Variants in ARFGEF1 observed in about 807,000 individuals in gnomAD.
ARFGEF1 encodes the protein ARF guanine nucleotide exchange factor 1.
A neutral mutation model predicts 231.0 loss-of-function variants in ARFGEF1; 42 were observed. The ratio of observed to expected loss-of-function variants is 0.18; its 90% confidence interval spans 0.14 to 0.24. ARFGEF1 has a LOEUF of 0.24. Ranked by LOEUF, ARFGEF1 falls within the 10% of genes least tolerant of loss-of-function variation. The probability of loss-of-function intolerance (pLI) is 1.00; values close to 1 mark genes in which losing one functional copy is unlikely to be tolerated. For missense variants in ARFGEF1, 1,345 were observed against 2,192.0 expected (o/e 0.61, Z 7.72); for synonymous variants, 710 against 732.3 (o/e 0.97, Z 0.49).
chr8:67,307,264 C>T (rs1045712581), intron 1 of ARFGEF1, among the ~76,000 whole-genome samples: 1 of 152,150 alleles, frequency 6.6e-6, no homozygotes, highest in Non-Finnish European at 1.5e-5. Context: ...TGAATAAACT[C>T]ACAAAGGAAA....
intron 10 of ARFGEF1, among the ~76,000 whole-genome samples, chr8:67,269,803 A>T (rs1206502200): frequency 1.3e-5 from 2 of 152,220 alleles, no homozygotes; most frequent in Non-Finnish European, 2.9e-5. Flanking sequence ...TTTTGTAATG[A>T]GAATCTGACA....
chr8:67,325,391 GT>G (rs1807789715), intron 1 of ARFGEF1, among the ~76,000 whole-genome samples: 1 of 152,076 alleles, frequency 6.6e-6, no homozygotes, highest in Non-Finnish European at 1.5e-5. Context: ...TTCAAAGGTT[GT>G]TTTTAATACT....
At chr8:67,316,689 G>A (rs1219434915) in intron 1 of ARFGEF1, among the ~76,000 whole-genome samples, 1 of 151,990 alleles carries the variant, frequency 6.6e-6, no homozygotes, top group Admixed American at 6.6e-5. Context: ...TGAACTCCTG[G>A]GCTCAAGTGA....
At chr8:67,258,985 ACTCTACT>A (rs1840556122) in intron 15 of ARFGEF1, among the ~76,000 whole-genome samples, 1 of 151,708 alleles carries the variant, frequency 6.6e-6, no homozygotes, top group African/African-American at 2.4e-5. Flanking sequence ...CCTCCCATAT[ACTCTACT>A]CCCATATCTA....
In ARFGEF1 at chr8:67,198,685, A is replaced by ACCCGTGAGCATGAG. The variant is rs1322580723; in HGVS notation, c.*235_*248dup. 1.0e-5 allele frequency: 12 copies of ACCCGTGAGCATGAG among 1,205,868 alleles called. No homozygotes were observed. The East Asian group carries it at 2.0e-4, about 20-fold the overall frequency. 74.7% of individuals were successfully genotyped at this position (1,205,868 alleles called of 1,614,324 possible). A position where few individuals can be genotyped will look rare whatever the true frequency, so the allele number is the denominator to read the frequency against. ...TTCCTGCCGTGGAAGACAGGGAAGG[A>ACCCGTGAGCATGAG]CCCGTGAGCATGAGCTGACACTGTT... On this transcript the variant is annotated 3_prime_UTR_variant, in exon 39 of 39. Transcript: ENST00000262215.
At chr8:67,254,042 TG>T (rs1840377644) in intron 17 of ARFGEF1, among the ~76,000 whole-genome samples, 1 of 152,230 alleles carries the variant, frequency 6.6e-6, no homozygotes, top group South Asian at 2.1e-4. Flanking sequence ...TTATATACAG[TG>T]GGTATAAGAG....
At chr8:67,219,173 G>A (rs979465242) in intron 30 of ARFGEF1, among the ~76,000 whole-genome samples, 6 of 152,108 alleles carry the variant, frequency 3.9e-5, no homozygotes, top group African/African-American at 1.4e-4. Flanking sequence ...CACCATGTTG[G>A]CCAGGCTGGT....
At chr8:67,315,540 G>C (rs75313304) in intron 1 of ARFGEF1, among the ~76,000 whole-genome samples, 357 of 152,254 alleles carry the variant, frequency 2.3e-3, no homozygotes, top group African/African-American at 8.2e-3. Context: ...AGATCATACA[G>C]AGTGTGTTCT....
At chr8:67,307,626 G>A (rs934585452) in intron 1 of ARFGEF1, among the ~76,000 whole-genome samples, 1 of 152,154 alleles carries the variant, frequency 6.6e-6, no homozygotes, top group African/African-American at 2.4e-5. Flanking sequence ...GTGAAGAAGA[G>A]TTAATGGTCA....
rs76200257 is a variant in ARFGEF1 at position 67,231,105 on chromosome 8, T to C, written c.3380+1750A>G. 8.6e-3 allele frequency among the ~76,000 whole-genome samples: 1,309 copies of C among 152,170 alleles called. 16 individuals are homozygous for C. Among genetic ancestry groups the C allele is most frequent in the African/African-American group, 0.03 (1,231 of 41,564 alleles). On this transcript the variant is annotated intron_variant, in intron 23 of 38. Coordinates refer to ENST00000262215, the MANE Select transcript of ARFGEF1 (RefSeq NM_006421.5). The stretch of plus-strand genomic sequence containing the variant: ...CTGGGTAAGTACAGAACTCCCCAGA[T>C]TGATGCCTGACACTATTTTCACTAC...
rs1226322166 is a variant in ARFGEF1, at chr8:67,208,629, C to CAAAAAAAA, written c.4819+2846_4819+2853dup. The stretch of plus-strand genomic sequence containing the variant: ...TGAGCGACAGAGTGAGACTCCATCT[C>CAAAAAAAA]AAAAAAAAAAAAAAAAAAACCAACA... On this transcript the variant is annotated intron_variant, in intron 34 of 38. Coordinates refer to ENST00000262215, the MANE Select transcript of ARFGEF1 (RefSeq NM_006421.5). 5.2e-3 allele frequency among the ~76,000 whole-genome samples: 262 copies of CAAAAAAAA among 50,472 alleles called. 2 individuals are homozygous for CAAAAAAAA. The highest frequency in any genetic ancestry group is 0.014 in the African/African-American group (242 of 16,736). 33.1% of individuals were successfully genotyped at this position (50,472 alleles called of 152,430 possible). A position where few individuals can be genotyped will look rare whatever the true frequency, so the allele number is the denominator to read the frequency against.
rs1838125093 is a variant in ARFGEF1, at chr8:67,197,743, A to C, written c.*1191T>G. The C allele has an allele frequency of 1.0e-6, 1 of 985,734 alleles. No individual in the cohort carries two copies. The allele number at this position is 985,734 out of a possible 1,614,324, so 61.1% of individuals were successfully genotyped here. On this transcript the variant is annotated 3_prime_UTR_variant, in exon 39 of 39. Coordinates refer to ENST00000262215, the MANE Select transcript of ARFGEF1 (RefSeq NM_006421.5). ...TGCCAGATGGGAATCAATATTGTAC[A>C]GAAAGTTGTACAGAATTTTTTACAT...
intron 22 of ARFGEF1, among the ~76,000 whole-genome samples, chr8:67,233,819 T>G (rs1292050828): frequency 6.6e-6 from 1 of 152,082 alleles, no homozygotes; most frequent in African/African-American, 2.4e-5. Flanking sequence ...AGCCAAAATG[T>G]GCCATCCCTC....
chr8:67,179,988 A>C, intron 5 of ARFGEF1: 1 of 915,888 alleles, frequency 1.1e-6, no homozygotes, highest in Non-Finnish European at 1.8e-6. Flanking sequence ...TCCACACTTA[A>C]AAACCAGTAC....
chr8:67,221,853 G>A (rs1194425781), intron 29 of ARFGEF1, among the ~76,000 whole-genome samples: 3 of 147,686 alleles, frequency 2.0e-5, no homozygotes, highest in Non-Finnish European at 3.0e-5. Context: ...TTGCTCTGTC[G>A]CCCAGGCTGG....
Position 67,203,212 on chromosome 8 carries a change from C to T in ARFGEF1, c.4999G>A (p.Asp1667Asn), listed in dbSNP as rs752814909. The change falls in exon 36 of 39, where the codon GAC (aspartate) becomes AAC (asparagine). Residue 1667 changes from aspartate to asparagine, a missense_variant. Transcript: ENST00000262215. Reference protein sequence around the residue: ...VDFDVRVDTQDQGMYRFLTSQ... With the variant: ...VDFDVRVDTQNQGMYRFLTSQ... ...GTTAAAAAGCGGTACATTCCTTGGT[C>T]TTGAGTATCAACGCGAACATCAAAG... 5 of 1,614,188 alleles carry T rather than the reference C, an allele frequency of 3.1e-6. No homozygotes were observed. In the South Asian group the frequency reaches 5.5e-5, roughly 18 times the overall value.
At chr8:67,244,317 T>TTG (rs1491560643) in intron 19 of ARFGEF1, among the ~76,000 whole-genome samples, 7 of 2,040 alleles carry the variant, frequency 3.4e-3, no homozygotes, top group South Asian at 0.029. Context: ...GTTGTTGTTG[T>TTG]TTTTTTTTTT....
intron 1 of ARFGEF1, among the ~76,000 whole-genome samples, chr8:67,326,423 C>A (rs1050694966): frequency 5.9e-5 from 9 of 152,172 alleles, no homozygotes; most frequent in Admixed American, 2.0e-4. Context: ...AACCTATACT[C>A]TTGAATTAGC....
Position 67,291,859 on chromosome 8 carries a change from T to A in ARFGEF1, c.904A>T (p.Thr302Ser). 1 of 1,610,502 alleles carries A rather than the reference T, an allele frequency of 6.2e-7. No homozygotes were observed. The highest frequency in any genetic ancestry group is 8.5e-7 in the Non-Finnish European group (1 of 1,176,940). The change falls in exon 6 of 39, where the codon ACT (threonine) becomes TCT (serine). Residue 302 changes from threonine to serine, a missense_variant. By Grantham distance (58) the Thr-to-Ser change is moderately conservative (BLOSUM62 1). Transcript: ENST00000262215. ...ENEQTEADQA[T>S]AAETLSKNEV... ...TCAAGAAGATTACTTTCAGCTGCAG[T>A]TGCCTGATCAGCTTCAGTCTGTTCA...
Sources: allele counts gnomAD v4.1 joint callset (sites outside exome capture counted in the v4.1 genomes callset), GRCh38; gene constraint gnomAD v4.1.1; transcripts MANE v1.5; gene names NCBI Gene and HGNC (gene_info 2026-07-23, HGNC 2026-07-21).